Variants in CACNB2 observed in about 807,000 individuals in gnomAD.
CACNB2 encodes calcium voltage-gated channel auxiliary subunit beta 2.
In CACNB2, 42 loss-of-function variants were observed where a neutral mutation model predicts 73.3. The observed-to-expected ratio is 0.57, with a 90% confidence interval of 0.45 to 0.74. The LOEUF (loss-of-function observed/expected upper bound fraction) is 0.74, where lower values mean the gene tolerates loss of function less well. CACNB2 is among the 30% of genes least tolerant of loss of function. CACNB2 has a pLI of 0.00. For synonymous variants in CACNB2, 348 were observed against 310.3 expected, an observed-to-expected ratio of 1.12 and a Z score of -1.28; for missense variants, 940 against 853.0, an observed-to-expected ratio of 1.10 and a Z score of -1.27.
intron 2 of CACNB2, among the ~76,000 whole-genome samples, chr10:18,314,626 C>T (rs963246144): frequency 6.6e-6 from 1 of 152,038 alleles, no homozygotes; most frequent in African/African-American, 2.4e-5. Flanking sequence ...ACAGCTAAAT[C>T]AGTCTATTAC....
intron 3 of CACNB2, among the ~76,000 whole-genome samples, chr10:18,426,611 A>G (rs6482408): frequency 0.88 from 134,096 of 152,256 alleles, 59,282 homozygotes; most frequent in East Asian, 0.96. Flanking sequence ...AGGCCAAGGT[A>G]GGAGGATCAC....
chr10:18,530,910 C>A (rs1043083895), intron 10 of CACNB2, among the ~76,000 whole-genome samples: 3 of 152,180 alleles, frequency 2.0e-5, no homozygotes, highest in African/African-American at 4.8e-5. Context: ...CTTCTGCCCC[C>A]CAAGCCACTT....
chr10:18,424,922 G>A (rs1000360869), intron 3 of CACNB2, among the ~76,000 whole-genome samples: 16 of 152,162 alleles, frequency 1.1e-4, no homozygotes, highest in Admixed American at 6.5e-5. Context: ...GCATTTATCC[G>A]TGTCTCCTGA....
At chr10:18,339,230 C>G (rs1322980144) in intron 2 of CACNB2, among the ~76,000 whole-genome samples, 1 of 152,022 alleles carries the variant, frequency 6.6e-6, no homozygotes, top group Admixed American at 6.6e-5. Flanking sequence ...GTTTATACTC[C>G]CACCAACAGG....
chr10:18,232,365 C>T lies in CACNB2; in HGVS notation c.213+81390C>T, dbSNP rs76048936. 1.8e-3 allele frequency among the ~76,000 whole-genome samples: 276 copies of T among 152,274 alleles called. 1 individual carries two copies. Among genetic ancestry groups the T allele is most frequent in the African/African-American group, 6.4e-3 (268 of 41,558 alleles). On this transcript the variant is annotated intron_variant, in intron 2 of 13. Transcript: ENST00000324631. Reference sequence around the variant, plus strand: ...GCCAAGTAATTTGTTCACAGTTACTCATCCAAGATCTGAGCACAGACCGGG... The same window carrying T: ...GCCAAGTAATTTGTTCACAGTTACTTATCCAAGATCTGAGCACAGACCGGG...
At chr10:18,221,253 AG>A (rs1393163868) in intron 2 of CACNB2, among the ~76,000 whole-genome samples, 4 of 151,968 alleles carry the variant, frequency 2.6e-5, no homozygotes, top group African/African-American at 7.2e-5. Context: ...AGGCAATAGC[AG>A]TACTGTTGAT....
intron 2 of CACNB2, among the ~76,000 whole-genome samples, chr10:18,183,118 C>A (rs1163311562): frequency 6.6e-6 from 1 of 151,936 alleles, no homozygotes; most frequent in Non-Finnish European, 1.5e-5. Context: ...GTGGTGGTAA[C>A]TTTTCAAGGC....
chr10:18,266,091 T>A (rs2037786210), intron 2 of CACNB2, among the ~76,000 whole-genome samples: 1 of 152,238 alleles, frequency 6.6e-6, no homozygotes, highest in Admixed American at 6.5e-5. Flanking sequence ...GGTACTCTAG[T>A]TAAATTCTGA....
chr10:18,437,102 T>C lies in CACNB2; in HGVS notation c.333+35059T>C, dbSNP rs578224486. Among the ~76,000 whole-genome samples, 12 of 152,362 alleles carry C rather than the reference T, an allele frequency of 7.9e-5. No homozygotes were observed. In the East Asian group the frequency reaches 2.3e-3, roughly 29 times the overall value. On this transcript the variant is annotated intron_variant, in intron 3 of 13. Coordinates refer to ENST00000324631, the MANE Select transcript of CACNB2 (RefSeq NM_201596.3). ...GATTTAACATTTACTTCTAGAGACATGACGTCACACTTGTAAATATTGGAT... is the reference window on the plus strand; with the variant it reads ...GATTTAACATTTACTTCTAGAGACACGACGTCACACTTGTAAATATTGGAT...
intron 2 of CACNB2, among the ~76,000 whole-genome samples, chr10:18,368,505 G>A (rs180733894): frequency 1.5e-3 from 235 of 152,216 alleles, no homozygotes; most frequent in African/African-American, 5.4e-3. Context: ...GGCTCATACA[G>A]AATTTTCAAA....
chr10:18,162,395 C>A (rs987786866), intron 2 of CACNB2, among the ~76,000 whole-genome samples: 1 of 152,006 alleles, frequency 6.6e-6, no homozygotes, highest in Non-Finnish European at 1.5e-5. Flanking sequence ...AAAAAAAAAT[C>A]GAGGATCTGA....
intron 3 of CACNB2, among the ~76,000 whole-genome samples, chr10:18,469,589 G>A (rs1177952979): frequency 1.3e-5 from 2 of 152,144 alleles, no homozygotes; most frequent in African/African-American, 4.8e-5. Flanking sequence ...TATGTGGGGT[G>A]GTTCTTAGGA....
At chr10:18,220,232 T>TAGAGAGAG (rs1169176468) in intron 2 of CACNB2, among the ~76,000 whole-genome samples, 57 of 25,080 alleles carry the variant, frequency 2.3e-3, no homozygotes, top group South Asian at 7.4e-3. Flanking sequence ...TATATATATA[T>TAGAGAGAG]AGAGAGAGAG....
At chr10:18,191,708 A>G (rs536994682) in intron 2 of CACNB2, among the ~76,000 whole-genome samples, 1 of 152,264 alleles carries the variant, frequency 6.6e-6, no homozygotes, top group South Asian at 2.1e-4. Context: ...TCCATTCCTG[A>G]GTTACTTCGC....
At chr10:18,221,366 A>G (rs2035786186) in intron 2 of CACNB2, among the ~76,000 whole-genome samples, 1 of 152,158 alleles carries the variant, frequency 6.6e-6, no homozygotes, top group Non-Finnish European at 1.5e-5. Flanking sequence ...AGAATTCATT[A>G]CATAGTTCAC....
At chr10:18,370,991 A>C (rs1375227305) in intron 2 of CACNB2, among the ~76,000 whole-genome samples, 1 of 152,200 alleles carries the variant, frequency 6.6e-6, no homozygotes, top group Non-Finnish European at 1.5e-5. Context: ...ATTCCAGAAA[A>C]AGATAATTAC....
intron 1 of CACNB2, among the ~76,000 whole-genome samples, chr10:18,144,047 C>G (rs1229489384): frequency 6.6e-6 from 1 of 151,820 alleles, no homozygotes; most frequent in East Asian, 1.9e-4. Context: ...TTCTCAAAGC[C>G]CTGGTTTTTG....
intron 2 of CACNB2, among the ~76,000 whole-genome samples, chr10:18,333,306 G>C (rs2040875472): frequency 1.3e-5 from 2 of 152,122 alleles, no homozygotes; most frequent in African/African-American, 4.8e-5. Context: ...ATTGATCATG[G>C]CTTCTTAGAG....
chr10:18,398,938 A>G (rs1439415448), intron 2 of CACNB2, among the ~76,000 whole-genome samples: 1 of 152,190 alleles, frequency 6.6e-6, no homozygotes, highest in Admixed American at 6.5e-5. Flanking sequence ...TAAAAGCTCC[A>G]TCTGAATATT....
Sources: gnomAD v4.1 joint callset for allele counts (sites outside exome capture counted in the v4.1 genomes callset) on GRCh38, gnomAD v4.1.1 for gene constraint, MANE v1.5 for transcripts, NCBI Gene and HGNC (gene_info 2026-07-23, HGNC 2026-07-21) for gene names.